HECW1: variants seen among roughly 807,000 people sequenced by gnomAD.
The protein encoded by HECW1 is HECT, C2 and WW domain containing E3 ubiquitin protein ligase 1.
Under a neutral mutation model 182.3 loss-of-function variants are expected in HECW1, and 61 were observed. The ratio of observed to expected loss-of-function variants is 0.33; its 90% CI spans 0.27 to 0.41. The LOEUF (loss-of-function observed/expected upper bound fraction) is 0.41, where lower values mean the gene tolerates loss of function less well. Among genes scored for constraint, HECW1 ranks in the 10% least tolerant of loss-of-function variants. The probability of loss-of-function intolerance (pLI) is 1.00; values close to 1 mark genes in which losing one functional copy is unlikely to be tolerated. For missense variants in HECW1, 1,739 were observed against 2,108.9 expected (o/e 0.82, Z 3.44); for synonymous variants, 859 against 832.6 (o/e 1.03, Z -0.55).
chr7:43,281,854 C>T (rs946691107), intron 3 of HECW1, among the ~76,000 whole-genome samples: 3 of 151,636 alleles, frequency 2.0e-5, no homozygotes, highest in Non-Finnish European at 2.9e-5. Context: ...GGGTGTGAGC[C>T]ACCATGCTTA....
intron 3 of HECW1, among the ~76,000 whole-genome samples, chr7:43,307,903 T>TATATATATACAC (rs1562812084): frequency 7.4e-6 from 1 of 135,926 alleles, no homozygotes; most frequent in African/African-American, 2.8e-5. Flanking sequence ...TATACACATA[T>TATATATATACAC]ATATATATAT....
chr7:43,408,194 C>A (rs541153564), intron 8 of HECW1, among the ~76,000 whole-genome samples: 15 of 152,222 alleles, frequency 9.9e-5, no homozygotes, highest in African/African-American at 3.6e-4. Flanking sequence ...CCTAAAATAT[C>A]CCTGGTTGGG....
intron 12 of HECW1, among the ~76,000 whole-genome samples, chr7:43,454,232 C>T (rs994455391): frequency 2.6e-5 from 4 of 152,200 alleles, no homozygotes; most frequent in African/African-American, 9.7e-5. Context: ...GTCCTCAGGA[C>T]CTGGCACAGT....
chr7:43,205,425 A>G (rs1795376908), intron 2 of HECW1, among the ~76,000 whole-genome samples: 1 of 152,166 alleles, frequency 6.6e-6, no homozygotes, highest in Non-Finnish European at 1.5e-5. Context: ...TCCTAGGAAC[A>G]CAGCCTGGAA....
At chr7:43,422,917 C>T (rs1369296169) in intron 8 of HECW1, among the ~76,000 whole-genome samples, 2 of 141,388 alleles carry the variant, frequency 1.4e-5, no homozygotes, top group African/African-American at 5.3e-5. Context: ...AGATAAATCG[C>T]AGTGCCTGGC....
At chr7:43,556,746 A>G (rs1043511564) in intron 29 of HECW1, among the ~76,000 whole-genome samples, 2 of 152,030 alleles carry the variant, frequency 1.3e-5, no homozygotes, top group East Asian at 3.8e-4. Flanking sequence ...AGGAGTCTCT[A>G]TTCTTTAGGA....
At chr7:43,296,461 G>C (rs2152759496) in intron 3 of HECW1, among the ~76,000 whole-genome samples, 1 of 152,240 alleles carries the variant, frequency 6.6e-6, no homozygotes, top group African/African-American at 2.4e-5. Flanking sequence ...GAGGCCCCTG[G>C]TTCATGACAA....
intron 24 of HECW1, among the ~76,000 whole-genome samples, chr7:43,531,137 G>A (rs535711685): frequency 6.6e-5 from 10 of 152,240 alleles, no homozygotes; most frequent in East Asian, 3.9e-4. Context: ...ACTCTTTTCC[G>A]ATGTGATTTT....
At chr7:43,139,579 T>C (rs1787940221) in intron 2 of HECW1, among the ~76,000 whole-genome samples, 1 of 152,318 alleles carries the variant, frequency 6.6e-6, no homozygotes, top group East Asian at 1.9e-4. Context: ...TTTCACATGA[T>C]TCGTGCCATT....
intron 2 of HECW1, among the ~76,000 whole-genome samples, chr7:43,171,430 T>A (rs1189200667): frequency 1.3e-5 from 2 of 152,192 alleles, no homozygotes; most frequent in Non-Finnish European, 2.9e-5. Flanking sequence ...TGAATGAACG[T>A]TGAAAAGTTT....
chr7:43,381,616 A>G (rs1316236272), intron 6 of HECW1, among the ~76,000 whole-genome samples: 1 of 151,864 alleles, frequency 6.6e-6, no homozygotes, highest in African/African-American at 2.4e-5. Context: ...CGACCTCTCA[A>G]GTAACCAATT....
chr7:43,142,906 C>T (rs765434220), intron 2 of HECW1, among the ~76,000 whole-genome samples: 23 of 150,482 alleles, frequency 1.5e-4, no homozygotes, highest in African/African-American at 4.4e-4. Context: ...TCTGTAAAAT[C>T]GACAGGTCCC....
chr7:43,276,430 A>T (rs1240307351), intron 3 of HECW1, among the ~76,000 whole-genome samples: 1 of 146,054 alleles, frequency 6.8e-6, no homozygotes, highest in Non-Finnish European at 1.5e-5. Context: ...TGTAGAATTT[A>T]AAAAGAGACT....
intron 2 of HECW1, among the ~76,000 whole-genome samples, chr7:43,218,315 G>A (rs972829192): frequency 6.6e-6 from 1 of 152,150 alleles, no homozygotes; most frequent in Admixed American, 6.5e-5. Flanking sequence ...AGCAGCACTG[G>A]GTCACCTTGA....
At chr7:43,556,998 C>A (rs2082049163) in intron 29 of HECW1, among the ~76,000 whole-genome samples, 1 of 152,026 alleles carries the variant, frequency 6.6e-6, no homozygotes, top group Non-Finnish European at 1.5e-5. Context: ...GGACAAGAAG[C>A]AAATGCCTCT....
At chr7:43,320,424 CTA>C (rs767853334) in intron 4 of HECW1, among the ~76,000 whole-genome samples, 2 of 152,318 alleles carry the variant, frequency 1.3e-5, no homozygotes, top group Non-Finnish European at 2.9e-5. Flanking sequence ...GCCAGCAGTG[CTA>C]TGGGGTTGGG....
chr7:43,386,901 T>G (rs2074823624), intron 6 of HECW1, among the ~76,000 whole-genome samples: 1 of 152,182 alleles, frequency 6.6e-6, no homozygotes, highest in Non-Finnish European at 1.5e-5. Flanking sequence ...TGACATGAAT[T>G]CCTTAGAAAA....
intron 2 of HECW1, among the ~76,000 whole-genome samples, chr7:43,180,254 AAGCTGTGTAGGTAGAGTCCTCT>A (rs1458076639): frequency 3.9e-5 from 4 of 102,236 alleles, no homozygotes; most frequent in Non-Finnish European, 5.9e-5. Context: ...CTCCTGGGAC[AAGCTGTGTAGGTAGAGTCCTCT>A]AGCTCCCACT....
At chr7:43,447,363 C>G (rs1323747921) in intron 11 of HECW1, among the ~76,000 whole-genome samples, 2 of 152,130 alleles carry the variant, frequency 1.3e-5, no homozygotes, top group African/African-American at 2.4e-5. Flanking sequence ...CCTTTAGAGG[C>G]CAACAGTCTA....
Sources: allele counts gnomAD v4.1 joint callset (sites outside exome capture counted in the v4.1 genomes callset), GRCh38; gene constraint gnomAD v4.1.1; transcripts MANE v1.5; gene names NCBI Gene and HGNC (gene_info 2026-07-23, HGNC 2026-07-21).